Variants in LY6S observed in about 807,000 individuals in gnomAD.
LY6S encodes the protein lymphocyte antigen 6S.
the LY6S span, among the ~76,000 whole-genome samples, chr8:143,075,640 G>A: frequency 6.6e-6 from 1 of 152,164 alleles, no homozygotes; most frequent in Non-Finnish European, 1.5e-5. This position sits in a 1 kb window ranked among gnomAD's most constrained non-coding sequence, Gnocchi z 4.1. Context: ...GGAGACAGAA[G>A]TTGCAGTGAG....
the LY6S span, among the ~76,000 whole-genome samples, chr8:143,073,334 G>A: frequency 1.1e-4 from 16 of 143,042 alleles, no homozygotes; most frequent in Non-Finnish European, 2.3e-4. Flanking sequence ...TCATCCTCGG[G>A]GTTCCTGTTT....
At chr8:143,065,744 C>CTCTT in the LY6S span, among the ~76,000 whole-genome samples, 941 of 103,584 alleles carry the variant, frequency 9.1e-3, 30 homozygotes, top group Admixed American at 0.069. Flanking sequence ...CTCTTTCTTT[C>CTCTT]TCTTTCTTTC....
At chr8:143,074,662 T>A in the LY6S span, among the ~76,000 whole-genome samples, 2 of 152,252 alleles carry the variant, frequency 1.3e-5, no homozygotes, top group Non-Finnish European at 2.9e-5. Flanking sequence ...TTTACAAGAA[T>A]ATTGTAAAGC....
chr8:143,060,280 T>C, the LY6S span, among the ~76,000 whole-genome samples: 1 of 152,212 alleles, frequency 6.6e-6, no homozygotes, highest in African/African-American at 2.4e-5. Context: ...CCAGCACCTC[T>C]TGTGGAGGGC....
chr8:143,042,871 G>A, the LY6S span: 1 of 553,912 alleles, frequency 1.8e-6, no homozygotes. Flanking sequence ...GCCCAGCTCT[G>A]AAAAAAGTGG....
the LY6S span, chr8:143,043,324 C>T: frequency 1.5e-5 from 17 of 1,125,586 alleles, no homozygotes; most frequent in Non-Finnish European, 2.0e-5. Context: ...AGCTTGTTCT[C>T]CCCTCTCACT....
the LY6S span, among the ~76,000 whole-genome samples, chr8:143,061,780 G>A: frequency 6.6e-6 from 1 of 152,214 alleles, no homozygotes; most frequent in South Asian, 2.1e-4. Flanking sequence ...CTGACCTCAG[G>A]TGATGTGCCC....
the LY6S span, chr8:143,065,787 CTT>C: frequency 3.0e-4 from 24 of 81,204 alleles, no homozygotes; most frequent in South Asian, 1.1e-3. Flanking sequence ...CTTTCTTTTT[CTT>C]TCTTTCTTTC....
chr8:143,072,551 T>G, the LY6S span, among the ~76,000 whole-genome samples: 370 of 26,850 alleles, frequency 0.014, 2 homozygotes, highest in African/African-American at 0.021. Flanking sequence ...GTCGTCCTCG[T>G]GGTCCCTGTT....
At chr8:143,057,011 G>T in the LY6S span, 1 of 240,842 alleles carries the variant, frequency 4.2e-6, no homozygotes. Flanking sequence ...TAAATGCAGG[G>T]ACTAGGAGGT....
chr8:143,048,967 G>T, the LY6S span, among the ~76,000 whole-genome samples: 2 of 152,174 alleles, frequency 1.3e-5, no homozygotes, highest in African/African-American at 4.8e-5. Context: ...AACCAGTGAG[G>T]CAGGGAAAGG....
the LY6S span, among the ~76,000 whole-genome samples, chr8:143,076,170 A>T: frequency 6.6e-6 from 1 of 152,228 alleles, no homozygotes; most frequent in Non-Finnish European, 1.5e-5. Flanking sequence ...ATTCAGGCTT[A>T]CTGATGTCAC....
chr8:143,052,247 C>G, the LY6S span, among the ~76,000 whole-genome samples: 2 of 152,150 alleles, frequency 1.3e-5, no homozygotes, highest in Non-Finnish European at 2.9e-5. Context: ...CACCACTGCA[C>G]TCCAGCCTGG....
chr8:143,057,442 G>T, the LY6S span: 35 of 545,908 alleles, frequency 6.4e-5, 1 homozygote, highest in East Asian at 1.3e-3. Context: ...TAGAAACAGG[G>T]TTTCACCATA....
chr8:143,067,211 A>G, the LY6S span, among the ~76,000 whole-genome samples: 1 of 152,254 alleles, frequency 6.6e-6, no homozygotes, highest in Non-Finnish European at 1.5e-5. Context: ...TCTACGTAGA[A>G]AAGGAAGACA....
the LY6S span, chr8:143,044,588 G>T: frequency 1.7e-6 from 2 of 1,205,640 alleles, no homozygotes; most frequent in Non-Finnish European, 2.2e-6. Context: ...AAGTGCTGAG[G>T]GCTTGTAGGG....
At chr8:143,052,573 C>T in the LY6S span, among the ~76,000 whole-genome samples, 4 of 152,250 alleles carry the variant, frequency 2.6e-5, no homozygotes, top group Admixed American at 2.0e-4. Context: ...ACACCTTTAC[C>T]GGTTGGGTGG....
the LY6S span, among the ~76,000 whole-genome samples, chr8:143,041,575 C>A: frequency 6.6e-6 from 1 of 151,976 alleles, no homozygotes; most frequent in Non-Finnish European, 1.5e-5. Flanking sequence ...CCTCAGCTTA[C>A]GAAGATGATG....
chr8:143,064,620 G>A, the LY6S span, among the ~76,000 whole-genome samples: 3 of 152,190 alleles, frequency 2.0e-5, no homozygotes, highest in African/African-American at 7.2e-5. Context: ...TGTGGCTTTA[G>A]GACCTGTCTA....
Sources: allele counts gnomAD v4.1 joint callset (sites outside exome capture counted in the v4.1 genomes callset), GRCh38; gene constraint gnomAD v4.1.1; non-coding constraint Gnocchi (gnomAD v3.1); transcripts MANE v1.5; gene names NCBI Gene and HGNC (gene_info 2026-07-23, HGNC 2026-07-21).